The following GPC5 variants were observed in gnomAD, a reference collection of about 807,000 sequenced individuals.
GPC5 encodes the protein glypican-5.
A neutral mutation model predicts 53.9 loss-of-function variants in GPC5; 47 were observed. The observed-to-expected ratio is 0.87, with a 90% confidence interval of 0.69 to 1.11. GPC5 has a LOEUF of 1.11. GPC5 is among the 50% of genes most tolerant of loss of function. The pLI is 0.00. For missense variants in GPC5, 748 were observed against 713.1 expected, an observed-to-expected ratio of 1.05 and a Z score of -0.56; for synonymous variants, 286 against 263.3, an observed-to-expected ratio of 1.09 and a Z score of -0.84.
At chr13:91,690,438 C>A (rs999361844) in intron 2 of GPC5, among the ~76,000 whole-genome samples, 1 of 151,940 alleles carries the variant, frequency 6.6e-6, no homozygotes, top group African/African-American at 2.4e-5. Flanking sequence ...AAAGAGTAAT[C>A]AGAATTAGTT....
intron 5 of GPC5, among the ~76,000 whole-genome samples, chr13:91,820,986 T>TA (rs71272299): frequency 0.013 from 1,805 of 142,442 alleles, 11 homozygotes; most frequent in Non-Finnish European, 0.02. Context: ...ACAAATAAAA[T>TA]AAAAAAAAAA....
chr13:91,860,157 G>A (rs947268655), intron 5 of GPC5, among the ~76,000 whole-genome samples: 1 of 152,038 alleles, frequency 6.6e-6, no homozygotes, highest in African/African-American at 2.4e-5. Flanking sequence ...TAGAGCATTA[G>A]AACTTATTCC....
chr13:92,854,308 T>C (rs1221295018), intron 7 of GPC5, among the ~76,000 whole-genome samples: 1 of 147,764 alleles, frequency 6.8e-6, no homozygotes, highest in Non-Finnish European at 1.5e-5. Context: ...TATATATTTA[T>C]TGAATATATA....
chr13:91,838,590 T>C (rs1224344929), intron 5 of GPC5, among the ~76,000 whole-genome samples: 1 of 151,588 alleles, frequency 6.6e-6, no homozygotes, highest in Non-Finnish European at 1.5e-5. Context: ...GACAATAACT[T>C]TGAGTGGGGA....
chr13:91,437,843 A>G (rs1301104009), intron 1 of GPC5, among the ~76,000 whole-genome samples: 1 of 152,126 alleles, frequency 6.6e-6, no homozygotes, highest in Non-Finnish European at 1.5e-5. Flanking sequence ...TATTTCTTGG[A>G]GGCTTTGTTC....
At chr13:92,072,335 C>T (rs933310907) in intron 6 of GPC5, among the ~76,000 whole-genome samples, 33 of 151,502 alleles carry the variant, frequency 2.2e-4, no homozygotes, top group Admixed American at 1.2e-3. Context: ...GGTATGATCT[C>T]GGCTCACTGC....
intron 6 of GPC5, among the ~76,000 whole-genome samples, chr13:92,098,222 C>T (rs899275319): frequency 2.6e-5 from 4 of 152,154 alleles, no homozygotes; most frequent in Non-Finnish European, 5.9e-5. Context: ...CATGTGTTCT[C>T]ATCATTCAGC....
intron 7 of GPC5, among the ~76,000 whole-genome samples, chr13:92,632,463 C>CAT (rs34336057): frequency 0.012 from 1,390 of 120,058 alleles, 23 homozygotes; most frequent in African/African-American, 0.036. Context: ...AAATATTCCA[C>CAT]ATATATATAT....
At chr13:92,381,539 T>C (rs2043738832) in intron 7 of GPC5, among the ~76,000 whole-genome samples, 1 of 152,120 alleles carries the variant, frequency 6.6e-6, no homozygotes, top group South Asian at 2.1e-4. Flanking sequence ...GGAACACTTC[T>C]ACACTGCTTG....
chr13:91,437,671 C>A (rs112443453), intron 1 of GPC5, among the ~76,000 whole-genome samples: 4,289 of 152,116 alleles, frequency 0.028, 174 homozygotes, highest in East Asian at 0.18. Flanking sequence ...ATCTTTGTGG[C>A]GTTCTCTGTA....
chr13:92,659,224 G>A (rs1156418492), intron 7 of GPC5: 2 of 152,018 alleles, frequency 1.3e-5, no homozygotes, highest in East Asian at 1.9e-4. Flanking sequence ...CACCGCGCCC[G>A]GCCTTATGTT....
chr13:92,807,072 C>A (rs1161873288), intron 7 of GPC5, among the ~76,000 whole-genome samples: 2 of 151,972 alleles, frequency 1.3e-5, no homozygotes, highest in Admixed American at 1.3e-4. Flanking sequence ...AATTATAATT[C>A]TTCATAAGGT....
At chr13:92,420,842 A>G (rs1273527634) in intron 7 of GPC5, among the ~76,000 whole-genome samples, 1 of 152,206 alleles carries the variant, frequency 6.6e-6, no homozygotes, top group Non-Finnish European at 1.5e-5. Context: ...TTATGGCTGA[A>G]TAGCACTCCA....
chr13:92,729,541 T>C (rs1363055611), intron 7 of GPC5, among the ~76,000 whole-genome samples: 1 of 151,418 alleles, frequency 6.6e-6, no homozygotes, highest in Admixed American at 6.6e-5. Context: ...TACTAGAAAA[T>C]ATAAAATTAC....
At chr13:91,893,520 G>A (rs1186151967) in intron 5 of GPC5, among the ~76,000 whole-genome samples, 1 of 151,986 alleles carries the variant, frequency 6.6e-6, no homozygotes, top group African/African-American at 2.4e-5. Flanking sequence ...ATGTGCATGT[G>A]TATGAACATA....
At chr13:92,014,053 C>T (rs1283154482) in intron 6 of GPC5, among the ~76,000 whole-genome samples, 1 of 152,118 alleles carries the variant, frequency 6.6e-6, no homozygotes. Context: ...GATAATTAGG[C>T]TTTAAATGCA....
At chr13:91,772,434 GTTA>G (rs1189532256) in intron 5 of GPC5, among the ~76,000 whole-genome samples, 1 of 152,102 alleles carries the variant, frequency 6.6e-6, no homozygotes, top group Non-Finnish European at 1.5e-5. Context: ...ATTCAGGAAT[GTTA>G]TTGTCAGTAC....
intron 1 of GPC5, among the ~76,000 whole-genome samples, chr13:91,422,127 C>A (rs1878680789): frequency 6.6e-6 from 1 of 152,200 alleles, no homozygotes; most frequent in Non-Finnish European, 1.5e-5. Flanking sequence ...CCTTTCTAGG[C>A]CTAGAAGCTG....
chr13:92,085,192 C>G (rs1261876825), intron 6 of GPC5, among the ~76,000 whole-genome samples: 1 of 151,988 alleles, frequency 6.6e-6, no homozygotes, highest in Non-Finnish European at 1.5e-5. Context: ...TAGCACGAGT[C>G]GATATGTTTC....
Sources: allele counts gnomAD v4.1 joint callset (sites outside exome capture counted in the v4.1 genomes callset), GRCh38; gene constraint gnomAD v4.1.1; transcripts MANE v1.5; gene names NCBI Gene and HGNC (gene_info 2026-07-23, HGNC 2026-07-21).